Variants in NEURL4 observed in about 807,000 individuals in gnomAD.
The protein encoded by NEURL4 is neuralized-like protein 4.
A neutral mutation model predicts 148.0 loss-of-function variants in NEURL4; 45 were observed. The observed-to-expected ratio is 0.30, with a 90% CI of 0.24 to 0.39. NEURL4 has a LOEUF of 0.39. NEURL4 is among the 10% of genes least tolerant of loss of function. The pLI is 1.00. For synonymous variants in NEURL4, 854 were observed against 869.0 expected (o/e 0.98, Z 0.30); for missense variants, 1,776 against 2,144.0 (o/e 0.83, Z 3.39).
Position 7,329,015 on chromosome 17 carries a change from G to T in NEURL4, c.282+16C>A, listed in dbSNP as rs759301197. ...ACCACCCTCCACATCTCTGTTCCGC[G>T]GTACCAGCGCTGCACCTTGCGGTCG... On this transcript the variant is annotated intron_variant, in intron 1 of 28. Coordinates refer to ENST00000399464, the MANE Select transcript of NEURL4 (RefSeq NM_032442.3). 2 of 1,540,212 alleles carry T rather than the reference G, an allele frequency of 1.3e-6. No homozygotes were observed. The highest frequency in any genetic ancestry group is 1.9e-5 in the Admixed American group (1 of 53,622).
intron 14 of NEURL4, 85 bp downstream of exon 14, chr17:7,323,400 A>G (rs2073057829): frequency 2.1e-6 from 3 of 1,403,492 alleles, no homozygotes; most frequent in African/African-American, 2.8e-5. Context: ...CACTACCCAC[A>G]GCCACCATAG....
In NEURL4 at chr17:7,324,741, T is replaced by C. The variant is rs1436844011; in HGVS notation, c.1813+58A>G. ...GGAGCTGCAGAACAAGTGCCAGGGC[T>C]TTGGGGATAGCTTCCCCCCAAAACC... On this transcript the variant is annotated intron_variant, in intron 9 of 28. Transcript: ENST00000399464. This position sits in a 1 kb window ranked among gnomAD's most constrained non-coding sequence, Gnocchi z 5.9. The C allele has an allele frequency of 6.3e-7, 1 of 1,575,824 alleles. No homozygotes were observed. The highest frequency in any genetic ancestry group is 8.7e-7 in the Non-Finnish European group (1 of 1,148,278).
At position 7,327,391 on chromosome 17, in the gene NEURL4, C is replaced by T. The variant is rs2073116323; in HGVS notation, c.727+49G>A. ...CCCAGCCTGTCTTGTCACTCTATTT[C>T]CCCCATTCCGTCCCCACCCCACCAC... is the stretch of plus-strand genomic sequence containing the variant. On this transcript the variant is annotated intron_variant, in intron 2 of 28. Transcript: ENST00000399464. This position sits in a 1 kb window ranked among gnomAD's most constrained non-coding sequence, Gnocchi z 6.6. 1 of 1,483,686 alleles carries T rather than the reference C, an allele frequency of 6.7e-7. No homozygotes were observed. Among genetic ancestry groups the T allele is most frequent in the Non-Finnish European group, 9.1e-7 (1 of 1,095,976 alleles). The allele number at this position is 1,483,686 out of a possible 1,614,324, so 91.9% of individuals were successfully genotyped here.
rs1162739738 is a variant in NEURL4, at chr17:7,318,303, G to A, written c.3918C>T (p.Thr1306=). ...TGTCTGCTTTCTCCATGTCCCCTTG[G>A]GTTCCAGCACTTTTCCCACTGGCAG... ...PGAASGKSAG[T]QGDMEKADMV... is the part of the protein sequence containing the mutation. The change falls in exon 24 of 29, where the codon ACC becomes ACT. Residue 1306 remains threonine (T), a synonymous_variant. Coordinates refer to ENST00000399464, the MANE Select transcript of NEURL4 (RefSeq NM_032442.3). The surrounding 1 kb of genome is among the most constrained non-coding windows in gnomAD (Gnocchi z 4.3). The A allele has an allele frequency of 6.2e-7, 1 of 1,614,104 alleles. No homozygotes were observed. Among genetic ancestry groups the A allele is most frequent in the South Asian group, 1.1e-5 (1 of 91,082 alleles).
Position 7,324,987 on chromosome 17 carries a change from G to A in NEURL4, c.1632-7C>T. 6.2e-7 allele frequency: 1 copy of A among 1,613,660 alleles called. No individual in the cohort carries two copies. Among genetic ancestry groups the A allele is most frequent in the Non-Finnish European group, 8.5e-7 (1 of 1,179,712 alleles). On this transcript the variant is annotated splice_polypyrimidine_tract_variant and splice_region_variant and intron_variant, in intron 8 of 28. Transcript: ENST00000399464. The surrounding 1 kb of genome is among the most constrained non-coding windows in gnomAD (Gnocchi z 5.9). ...ATTGAAGTCATCGGTGGCACTGAGG[G>A]CACAGCAAGTGGAGAGTCAGATCCC... is the stretch of plus-strand genomic sequence containing the variant.
rs1391166405 is a variant in NEURL4 at position 7,326,294 on chromosome 17, G to T, written c.1254C>A (p.Thr418=). Residue 418 remains threonine, a synonymous_variant, in exon 6 of 29, where the codon ACC becomes ACA. Coordinates refer to ENST00000399464, the MANE Select transcript of NEURL4 (RefSeq NM_032442.3). The surrounding 1 kb of genome is among the most constrained non-coding windows in gnomAD (Gnocchi z 6.0). ...GACTGAATTCGCAGTACTCCCGGCG[G>T]GTGCCCTTGCCATTGGTCAGGATTC... ...GCGILTNGKG[T]RREYCEFSLD... 1 of 1,614,140 alleles carries T rather than the reference G, an allele frequency of 6.2e-7. No individual in the cohort carries two copies. Among genetic ancestry groups the T allele is most frequent in the East Asian group, 2.2e-5 (1 of 44,882 alleles).
chr17:7,324,552 A>G lies in NEURL4; in HGVS notation c.1814-72T>C. ...TCCTCTCCTTGCCACAGCAGCGCCC[A>G]CAGGACTCCCGAGCCCACAGTCCAC... On this transcript the variant is annotated intron_variant, in intron 9 of 28. Transcript: ENST00000399464. This position sits in a 1 kb window ranked among gnomAD's most constrained non-coding sequence, Gnocchi z 5.9. 1 of 1,401,726 alleles carries G rather than the reference A, an allele frequency of 7.1e-7. No homozygotes were observed. The highest frequency in any genetic ancestry group is 2.3e-5 in the East Asian group (1 of 43,684). 86.8% of individuals were successfully genotyped at this position (1,401,726 alleles called of 1,614,324 possible).
chr17:7,328,434 C>T lies in NEURL4; in HGVS notation c.283-550G>A, dbSNP rs140550207. Among the ~76,000 whole-genome samples, 31 of 152,338 alleles carry T rather than the reference C, an allele frequency of 2.0e-4. No homozygotes were observed. In the East Asian group the frequency reaches 5.0e-3, roughly 25 times the overall value. ...TGTTTTTTTGAGACGGAGTCTCACT[C>T]ACTCTATTGCCCAGGCTGGAGTGCA... is the stretch of plus-strand genomic sequence containing the variant. On this transcript the variant is annotated intron_variant, in intron 1 of 28. Transcript: ENST00000399464.
rs755987619 is a variant in NEURL4, at chr17:7,324,923, T to C, written c.1689A>G (p.Gly563=). The change falls in exon 9 of 29, where the codon GGA becomes GGG. Residue 563 remains glycine (G), a synonymous_variant. Transcript: ENST00000399464. The surrounding 1 kb of genome is among the most constrained non-coding windows in gnomAD (Gnocchi z 5.9). Reference sequence around the variant, plus strand: ...TGTCGATGCGCACCTGGAACACCTCTCCATCCCGCAGGGCTCTGCTGCTCA... The same window carrying C: ...TGTCGATGCGCACCTGGAACACCTCCCCATCCCGCAGGGCTCTGCTGCTCA... ...VVLSSRALRD[G]EVFQVRIDKM... 5.0e-6 allele frequency: 8 copies of C among 1,613,916 alleles called. No individual in the cohort carries two copies. In the East Asian group the frequency reaches 1.8e-4, roughly 36 times the overall value.
intron 21 of NEURL4, 94 bp downstream of exon 21, chr17:7,320,665 T>G (rs1412529393): frequency 1.6e-6 from 2 of 1,217,670 alleles, no homozygotes; most frequent in Non-Finnish European, 2.3e-6. Context: ...TGGCTTGCTT[T>G]CTTTTTCTCC....
At chr17:7,316,714 G>A (rs149405554) in intron 28 of NEURL4, among the ~76,000 whole-genome samples, 5,694 of 152,280 alleles carry the variant, frequency 0.037, 171 homozygotes, top group Middle Eastern at 0.088. Flanking sequence ...ACGAGGTCAG[G>A]AGATCGAGAC....
In NEURL4 at chr17:7,324,237, C is replaced by T; in HGVS notation, c.1933G>A (p.Asp645Asn). The T allele has an allele frequency of 6.2e-7, 1 of 1,612,062 alleles. No individual in the cohort carries two copies. Among genetic ancestry groups the T allele is most frequent in the Non-Finnish European group, 8.5e-7 (1 of 1,178,834 alleles). ...GDTVGVVRRE[D>N]GTLHFFVNGM... ...TTGACAAAGAAGTGGAGAGTCCCGT[C>T]CTCCCGCCGTACCACGCCCACCGTG... Residue 645 changes from aspartate (D) to asparagine (N), a missense_variant, in exon 11 of 29, where the codon GAC (aspartate) becomes AAC (asparagine). Physicochemically the swap from Asp to Asn is conservative, Grantham distance 23. Coordinates refer to ENST00000399464, the MANE Select transcript of NEURL4 (RefSeq NM_032442.3). This position sits in a 1 kb window ranked among gnomAD's most constrained non-coding sequence, Gnocchi z 5.9.
rs1374836107 is a variant in NEURL4 at position 7,315,767 on chromosome 17, GGA to G, written c.*354_*355del. On this transcript the variant is annotated 3_prime_UTR_variant, in exon 29 of 29. Coordinates refer to ENST00000399464, the MANE Select transcript of NEURL4 (RefSeq NM_032442.3). ...AAAAAGCAGCTTCATGTGGGCACAG[GGA>G]GAGACTCCTCTGGGATTCACAGTAA... 4.1e-6 allele frequency: 2 copies of G among 493,532 alleles called. No homozygotes were observed. Among genetic ancestry groups the G allele is most frequent in the Non-Finnish European group, 7.1e-6 (2 of 280,210 alleles). The allele number at this position is 493,532 out of a possible 1,614,324, so 30.6% of individuals were successfully genotyped here.
In NEURL4 at chr17:7,315,968, C is replaced by T; in HGVS notation, c.*155G>A. On this transcript the variant is annotated 3_prime_UTR_variant, in exon 29 of 29. Transcript: ENST00000399464. ...GGACATGGAGCTGTGCCACTTGCCACCTACATCTGAGAGCCTGCCTACATG... is the reference window on the plus strand; with the variant it reads ...GGACATGGAGCTGTGCCACTTGCCATCTACATCTGAGAGCCTGCCTACATG... The T allele has an allele frequency of 1.6e-6, 1 of 620,176 alleles. No homozygotes were observed. Among genetic ancestry groups the T allele is most frequent in the Non-Finnish European group, 2.9e-6 (1 of 342,664 alleles). The allele number at this position is 620,176 out of a possible 1,614,324, so 38.4% of individuals were successfully genotyped here.
Position 7,315,851 on chromosome 17 carries a change from T to C in NEURL4, c.*272A>G. ...TGTGGGGTAGGGGAGTAAAAGGGAG[T>C]CATGTTCCCCAAATCAGTGCATGAA... On this transcript the variant is annotated 3_prime_UTR_variant, in exon 29 of 29. Coordinates refer to ENST00000399464, the MANE Select transcript of NEURL4 (RefSeq NM_032442.3). 1.8e-6 allele frequency: 1 copy of C among 544,632 alleles called. No individual in the cohort carries two copies. The highest frequency in any genetic ancestry group is 3.3e-6 in the Non-Finnish European group (1 of 307,544). The allele number at this position is 544,632 out of a possible 1,614,324, so 33.7% of individuals were successfully genotyped here. A position where few individuals can be genotyped will look rare whatever the true frequency, so the allele number is the denominator to read the frequency against.
rs752683876 is a variant in NEURL4, at chr17:7,319,044, A to G, written c.3684+6T>C. On this transcript the variant is annotated splice_donor_region_variant and intron_variant, in intron 22 of 28. Coordinates refer to ENST00000399464, the MANE Select transcript of NEURL4 (RefSeq NM_032442.3). Reference sequence around the variant, plus strand: ...GTCCTGTTCCTTCTCTCTGGCTCCTACTCACCTTGAGACCGTTGTGGAAGA... The same window carrying G: ...GTCCTGTTCCTTCTCTCTGGCTCCTGCTCACCTTGAGACCGTTGTGGAAGA... 3 of 1,604,578 alleles carry G rather than the reference A, an allele frequency of 1.9e-6. No homozygotes were observed. The highest frequency in any genetic ancestry group is 2.6e-6 in the Non-Finnish European group (3 of 1,175,286).
Position 7,324,746 on chromosome 17 carries a change from G to C in NEURL4, c.1813+53C>G. On this transcript the variant is annotated intron_variant, in intron 9 of 28. Coordinates refer to ENST00000399464, the MANE Select transcript of NEURL4 (RefSeq NM_032442.3). This position sits in a 1 kb window ranked among gnomAD's most constrained non-coding sequence, Gnocchi z 5.9. ...TGCAGAACAAGTGCCAGGGCTTTGG[G>C]GATAGCTTCCCCCCAAAACCCTATC... 6.3e-7 allele frequency: 1 copy of C among 1,585,270 alleles called. No individual in the cohort carries two copies. Among genetic ancestry groups the C allele is most frequent in the East Asian group, 2.2e-5 (1 of 44,572 alleles).
rs754580167 is a variant in NEURL4 at position 7,323,938 on chromosome 17, C to T, written c.2137G>A (p.Gly713Arg). The T allele has an allele frequency of 2.7e-5, 44 of 1,613,174 alleles. No individual in the cohort carries two copies. Among genetic ancestry groups the T allele is most frequent in the South Asian group, 1.3e-4 (12 of 91,088 alleles). ...TGATGGAAGCGCAGGTCAGAGCCCC[C>T]GGCCCCTGAGGACGGAGAGCTTGGA... ...VSPSSPSSGAGGSDLRFHQLH... is the reference protein window; with the variant it reads ...VSPSSPSSGARGSDLRFHQLH... Residue 713 changes from glycine (G) to arginine (R), a missense_variant, in exon 12 of 29, where the codon GGG becomes AGG. Gly to Arg is a moderately radical substitution (Grantham distance 125). Coordinates refer to ENST00000399464, the MANE Select transcript of NEURL4 (RefSeq NM_032442.3).
intron 21 of NEURL4, among the ~76,000 whole-genome samples, chr17:7,319,924 G>A (rs1345697558): frequency 6.6e-6 from 1 of 151,706 alleles, no homozygotes; most frequent in Non-Finnish European, 1.5e-5. Context: ...CCGCCTCCTG[G>A]GTTCAAGCCA....
Sources: gnomAD v4.1 joint callset for allele counts (sites outside exome capture counted in the v4.1 genomes callset) on GRCh38, gnomAD v4.1.1 for gene constraint, Gnocchi (gnomAD v3.1) non-coding constraint, MANE v1.5 for transcripts, NCBI Gene and HGNC (gene_info 2026-07-23, HGNC 2026-07-21) for gene names.